The following MACO1 variants were observed in gnomAD, a reference collection of about 807,000 sequenced individuals.
MACO1 encodes macoilin 1.
MACO1 carries 14 observed loss-of-function variants against 78.7 expected under a neutral mutation model. The observed-to-expected ratio is 0.18, with a 90% CI of 0.12 to 0.28. The LOEUF (loss-of-function observed/expected upper bound fraction) is 0.28. MACO1 is among the 10% of genes least tolerant of loss of function. The pLI, the probability that MACO1 is intolerant of heterozygous loss-of-function variation, is 1.00. For missense variants in MACO1, 501 were observed against 799.0 expected, an observed-to-expected ratio of 0.63 and a Z score of 4.50; for synonymous variants, 288 against 291.6, an observed-to-expected ratio of 0.99 and a Z score of 0.12.
intron 6 of MACO1, among the ~76,000 whole-genome samples, chr1:25,466,193 T>C (rs1433324702): frequency 6.6e-6 from 1 of 152,256 alleles, no homozygotes; most frequent in Non-Finnish European, 1.5e-5. Context: ...TCCATACTGT[T>C]TGCCATAGAA....
At chr1:25,488,259 C>T (rs2043452528) in intron 8 of MACO1, among the ~76,000 whole-genome samples, 1 of 151,932 alleles carries the variant, frequency 6.6e-6, no homozygotes, top group Admixed American at 6.6e-5. Context: ...TCTGTGTTGC[C>T]CAGGCTGATC....
chr1:25,467,491 T>A (rs1045357287), intron 6 of MACO1, among the ~76,000 whole-genome samples: 2 of 152,218 alleles, frequency 1.3e-5, no homozygotes, highest in African/African-American at 4.8e-5. Context: ...AACAAAATAC[T>A]AAGTGATCCA....
At chr1:25,443,160 A>G (rs935624672) in intron 1 of MACO1, among the ~76,000 whole-genome samples, 3 of 152,178 alleles carry the variant, frequency 2.0e-5, no homozygotes, top group African/African-American at 4.8e-5. Flanking sequence ...AAGGAGAGGA[A>G]TTAGGGCTTT....
Position 25,471,353 on chromosome 1 carries a change from AAAG to A in MACO1, c.1154+12464_1154+12466del, listed in dbSNP as rs1218229065. ...GACTCTGTCTCAACAAAAAAAAAAA[AAAG>A]AAAGAAAGAAAAATATGGGTAGATA... On this transcript the variant is annotated intron_variant, in intron 6 of 10. Coordinates refer to ENST00000374343, the MANE Select transcript of MACO1 (RefSeq NM_018202.6). Among the ~76,000 whole-genome samples the A allele has an allele frequency of 3.9e-5, 6 of 152,052 alleles. 1 individual carries two copies. Among genetic ancestry groups the A allele is most frequent in the Admixed American group, 2.6e-4 (4 of 15,260 alleles).
At chr1:25,456,250 T>A (rs1363488087) in intron 4 of MACO1, among the ~76,000 whole-genome samples, 1 of 144,720 alleles carries the variant, frequency 6.9e-6, no homozygotes, top group Non-Finnish European at 1.5e-5. Flanking sequence ...AGAGCGAGAC[T>A]CCATTTCAAA....
chr1:25,473,013 GA>G (rs769231738), intron 6 of MACO1, among the ~76,000 whole-genome samples: 7 of 152,084 alleles, frequency 4.6e-5, no homozygotes, highest in Non-Finnish European at 1.0e-4. Context: ...TATCAAGTGG[GA>G]AAAAATAAGT....
Position 25,458,737 on chromosome 1 carries a change from TC to T in MACO1, c.1000del (p.Arg334GlufsTer34). On this transcript the variant is annotated frameshift_variant, in exon 6 of 11. Coordinates refer to ENST00000374343, the MANE Select transcript of MACO1 (RefSeq NM_018202.6). LOFTEE classifies it high-confidence loss of function. ...NASGVVNSSP[R>X]SHSATNGSIP... ...CCAGTGGAGTTGTGAACTCTTCACC[TC>T]GAAGTCATAGCGCCACAAATGGGAG... is the stretch of plus-strand genomic sequence containing the variant. 2 of 1,614,076 alleles carry T rather than the reference TC, an allele frequency of 1.2e-6. No individual in the cohort carries two copies. The highest frequency in any genetic ancestry group is 1.7e-6 in the Non-Finnish European group (2 of 1,180,024).
At chr1:25,494,804 G>C (rs2043520213) in intron 10 of MACO1, among the ~76,000 whole-genome samples, 1 of 152,104 alleles carries the variant, frequency 6.6e-6, no homozygotes, top group African/African-American at 2.4e-5. Flanking sequence ...GTTTGGTTTT[G>C]GATGTTTTGA....
At position 25,484,293 on chromosome 1, in the gene MACO1, C is replaced by G. The variant is rs1247905188; in HGVS notation, c.1313+19C>G. ...AGAACAAGTACGTGCACCTTTCAGG[C>G]CTTTGGCCGTAAGCCCGGCAGCTTC... On this transcript the variant is annotated intron_variant, in intron 7 of 10. Coordinates refer to ENST00000374343, the MANE Select transcript of MACO1 (RefSeq NM_018202.6). The G allele has an allele frequency of 1.3e-6, 2 of 1,568,922 alleles. No homozygotes were observed. The highest frequency in any genetic ancestry group is 3.9e-5 in the Admixed American group (2 of 51,430).
At chr1:25,487,364 G>A (rs2043442876) in intron 8 of MACO1, among the ~76,000 whole-genome samples, 2 of 152,134 alleles carry the variant, frequency 1.3e-5, no homozygotes, top group Admixed American at 1.3e-4. Flanking sequence ...ATCTTGGCAG[G>A]CTGGTCTCGA....
chr1:25,437,300 T>TC (rs2042927728), intron 1 of MACO1, among the ~76,000 whole-genome samples: 1 of 133,318 alleles, frequency 7.5e-6, no homozygotes, highest in Non-Finnish European at 1.5e-5. Context: ...ATGCCTGGCT[T>TC]TTTTTTTTTT....
At chr1:25,484,981 T>C (rs911995098) in intron 7 of MACO1, among the ~76,000 whole-genome samples, 8 of 152,288 alleles carry the variant, frequency 5.3e-5, no homozygotes, top group African/African-American at 1.9e-4. Flanking sequence ...AGCATTGATA[T>C]GTAGAGAACA....
intron 9 of MACO1, among the ~76,000 whole-genome samples, chr1:25,490,689 T>C (rs1317386522): frequency 6.6e-6 from 1 of 152,232 alleles, no homozygotes; most frequent in African/African-American, 2.4e-5. Flanking sequence ...AATTTTGGTA[T>C]GTAAACATTC....
intron 6 of MACO1, among the ~76,000 whole-genome samples, chr1:25,480,260 A>G (rs1257543021): frequency 6.6e-6 from 1 of 152,230 alleles, no homozygotes; most frequent in Admixed American, 6.5e-5. Flanking sequence ...CCTGCATGCC[A>G]TTAGCCATTG....
At chr1:25,432,605 G>C (rs573509223) in intron 1 of MACO1, among the ~76,000 whole-genome samples, 1 of 152,192 alleles carries the variant, frequency 6.6e-6, no homozygotes, top group Non-Finnish European at 1.5e-5. Context: ...TGGAGGAAAG[G>C]TCTCTTCAAT....
In MACO1 at chr1:25,458,683, C is replaced by T. The variant is rs2043144834; in HGVS notation, c.945C>T (p.Cys315=). The T allele has an allele frequency of 6.2e-7, 1 of 1,614,002 alleles. No individual in the cohort carries two copies. Among genetic ancestry groups the T allele is most frequent in the African/African-American group, 1.3e-5 (1 of 74,910 alleles). Residue 315 remains cysteine (C), a synonymous_variant, in exon 6 of 11, where the codon TGC becomes TGT. Coordinates refer to ENST00000374343, the MANE Select transcript of MACO1 (RefSeq NM_018202.6). ...STENLLKEDS[C]TASSKNYKNA... ...AAAATCTCTTGAAAGAGGACTCATG[C>T]ACTGCTTCCTCAAAAAATTACAAAA...
At chr1:25,475,554 A>G (rs1394666573) in intron 6 of MACO1, among the ~76,000 whole-genome samples, 2 of 149,994 alleles carry the variant, frequency 1.3e-5, no homozygotes, top group African/African-American at 2.5e-5. Context: ...GCTCTACAAA[A>G]AAAAAAAAAA....
chr1:25,433,598 C>G lies in MACO1; in HGVS notation c.80+2420C>G, dbSNP rs137897793. On this transcript the variant is annotated intron_variant, in intron 1 of 10. Coordinates refer to ENST00000374343, the MANE Select transcript of MACO1 (RefSeq NM_018202.6). Reference sequence around the variant, plus strand: ...CATGGACTTACTATTTTCATGTTCTCAGTCTGTACAACTTTCTGAGCCTTG... The same window carrying G: ...CATGGACTTACTATTTTCATGTTCTGAGTCTGTACAACTTTCTGAGCCTTG... 5.3e-5 allele frequency among the ~76,000 whole-genome samples: 8 copies of G among 152,240 alleles called. 1 individual carries two copies. The highest frequency in any genetic ancestry group is 1.9e-4 in the African/African-American group (8 of 41,522).
At position 25,491,559 on chromosome 1, in the gene MACO1, A is replaced by C. The variant is rs1347613644; in HGVS notation, c.1767A>C (p.Ala589=). ...ACCTGTTCTCCGCACTGGGCGATGC[A>C]AAGCGGCAGCTCGAGATTGCCCAAG... ...KLDLFSALGD[A]KRQLEIAQGQ... is the part of the protein sequence containing the mutation. The change falls in exon 10 of 11, where the codon GCA becomes GCC. Residue 589 remains alanine, a synonymous_variant. Coordinates refer to ENST00000374343, the MANE Select transcript of MACO1 (RefSeq NM_018202.6). 6.2e-7 allele frequency: 1 copy of C among 1,614,100 alleles called. No homozygotes were observed. Among genetic ancestry groups the C allele is most frequent in the East Asian group, 2.2e-5 (1 of 44,902 alleles).
Sources: gnomAD v4.1 joint callset for allele counts (sites outside exome capture counted in the v4.1 genomes callset) on GRCh38, gnomAD v4.1.1 for gene constraint, MANE v1.5 for transcripts, NCBI Gene and HGNC (gene_info 2026-07-23, HGNC 2026-07-21) for gene names.